The following RYR2 variants were observed in gnomAD, a reference collection of about 807,000 sequenced individuals.
The protein encoded by RYR2 is cardiac muscle ryanodine receptor-calcium release channel.
Under a neutral mutation model 601.1 loss-of-function variants are expected in RYR2, and 227 were observed. The observed-to-expected ratio is 0.38, with a 90% confidence interval of 0.34 to 0.42. The LOEUF (loss-of-function observed/expected upper bound fraction) is 0.42, where lower values mean the gene tolerates loss of function less well. Ranked by LOEUF, RYR2 falls within the 10% of genes least tolerant of loss-of-function variation. RYR2 has a pLI of 1.00. For synonymous variants in RYR2, 2,223 were observed against 2,175.1 expected (o/e 1.02, Z -0.61); for missense variants, 4,646 against 6,156.5 (o/e 0.75, Z 8.21).
intron 1 of RYR2, among the ~76,000 whole-genome samples, chr1:237,269,788 C>T (rs146315290): frequency 1.3e-4 from 20 of 152,248 alleles, no homozygotes; most frequent in South Asian, 6.2e-4. Flanking sequence ...TCCTAAAGTC[C>T]GTGATTCCTG....
intron 94 of RYR2, among the ~76,000 whole-genome samples, chr1:237,792,649 A>T (rs533061581): frequency 1.4e-3 from 206 of 152,132 alleles, no homozygotes; most frequent in African/African-American, 4.7e-3. Context: ...TGGCCTTTTT[A>T]TGTCTACATT....
At chr1:237,096,669 C>T (rs900395671) in intron 1 of RYR2, among the ~76,000 whole-genome samples, 3 of 152,080 alleles carry the variant, frequency 2.0e-5, no homozygotes, top group Non-Finnish European at 4.4e-5. Flanking sequence ...TATTTTTAAC[C>T]TTCAGAAAAA....
At chr1:237,594,890 T>TTTTGTTTTTG in intron 33 of RYR2, among the ~76,000 whole-genome samples, 1 of 13,532 alleles carries the variant, frequency 7.4e-5, no homozygotes, top group African/African-American at 1.3e-4. Flanking sequence ...CACTGGGTTT[T>TTTTGTTTTTG]TTTTTTTTTT....
chr1:237,682,534 C>T (rs1391579979), intron 62 of RYR2, among the ~76,000 whole-genome samples: 1 of 152,142 alleles, frequency 6.6e-6, no homozygotes, highest in Non-Finnish European at 1.5e-5. Flanking sequence ...CAGTTGCCTA[C>T]AGTATTCGGT....
At chr1:237,780,005 CCT>C (rs1333405173) in intron 88 of RYR2, among the ~76,000 whole-genome samples, 28 of 152,306 alleles carry the variant, frequency 1.8e-4, no homozygotes, top group African/African-American at 6.7e-4. Flanking sequence ...CCTCCAGAGT[CCT>C]TATCCTTAGA....
In RYR2 at chr1:237,830,759, G is replaced by A. The variant is rs750259820; in HGVS notation, c.14756+129G>A. The A allele has an allele frequency of 7.2e-6, 4 of 555,258 alleles. No individual in the cohort carries two copies. The South Asian group carries it at 1.1e-4, about 15-fold the overall frequency. 34.4% of individuals were successfully genotyped at this position (555,258 alleles called of 1,614,324 possible). ...ATTGCTGCAGATACTTTAAAAGAAA[G>A]TCCAACAGCTAATGGCTCTCTTTTC... On this transcript the variant is annotated intron_variant, in intron 103 of 104. Coordinates refer to ENST00000366574, the MANE Select transcript of RYR2 (RefSeq NM_001035.3).
In RYR2 at chr1:237,756,438, G is replaced by A. The variant is rs757128579; in HGVS notation, c.11245+51G>A. ...GAGTGTCTGTTCTTCAGATTTCCTC[G>A]TTGCTCTCAAGGTCCTCCCTCATTT... On this transcript the variant is annotated intron_variant, in intron 81 of 104. Coordinates refer to ENST00000366574, the MANE Select transcript of RYR2 (RefSeq NM_001035.3). 60 of 1,250,552 alleles carry A rather than the reference G, an allele frequency of 4.8e-5. 1 individual carries two copies. The South Asian group carries it at 6.7e-4, about 14-fold the overall frequency. The allele number at this position is 1,250,552 out of a possible 1,614,324, so 77.5% of individuals were successfully genotyped here. A position where few individuals can be genotyped will look rare whatever the true frequency, so the allele number is the denominator to read the frequency against.
intron 2 of RYR2, among the ~76,000 whole-genome samples, chr1:237,282,032 A>G (rs990318666): frequency 6.6e-6 from 1 of 152,178 alleles, no homozygotes; most frequent in African/African-American, 2.4e-5. Flanking sequence ...CTGGTTATAG[A>G]GTATATACTG....
Position 237,830,513 on chromosome 1 carries a change from T to C in RYR2, c.14656-17T>C. On this transcript the variant is annotated splice_polypyrimidine_tract_variant and intron_variant, in intron 102 of 104. Transcript: ENST00000366574. ...GCTTTCTGAACTCTGACGTTAATAT[T>C]TCCCTTTGTTTTCTAGACCAAATGC... is the stretch of plus-strand genomic sequence containing the variant. The C allele has an allele frequency of 3.4e-6, 5 of 1,475,392 alleles. No individual in the cohort carries two copies. The highest frequency in any genetic ancestry group is 4.7e-6 in the Non-Finnish European group (5 of 1,053,320). 91.4% of individuals were successfully genotyped at this position (1,475,392 alleles called of 1,614,324 possible).
At chr1:237,785,917 T>C in intron 90 of RYR2, 52 bp from the exon 91 acceptor site, 1 of 1,292,730 alleles carries the variant, frequency 7.7e-7, no homozygotes, top group South Asian at 1.3e-5. Context: ...CCTCAATTCA[T>C]TCAAAGGTGA....
chr1:237,066,320 A>G (rs527257326), intron 1 of RYR2, among the ~76,000 whole-genome samples: 3 of 152,312 alleles, frequency 2.0e-5, no homozygotes, highest in African/African-American at 7.2e-5. Context: ...TTATGCAGAA[A>G]TCAGTTTTGT....
At chr1:237,484,648 C>T (rs967459211) in intron 17 of RYR2, among the ~76,000 whole-genome samples, 1 of 152,214 alleles carries the variant, frequency 6.6e-6, no homozygotes, top group Non-Finnish European at 1.5e-5. Context: ...AGATTCTCAA[C>T]AAATTTTGTT....
At chr1:237,473,423 C>CCCTTTCTTTCTT in intron 17 of RYR2, among the ~76,000 whole-genome samples, 1 of 115,108 alleles carries the variant, frequency 8.7e-6, no homozygotes, top group Non-Finnish European at 1.8e-5. Context: ...GACTCCATCT[C>CCCTTTCTTTCTT]TCTCTCTCTC....
chr1:237,579,073 C>A (rs1477302194), intron 29 of RYR2, among the ~76,000 whole-genome samples: 1 of 152,222 alleles, frequency 6.6e-6, no homozygotes, highest in Non-Finnish European at 1.5e-5. Flanking sequence ...GCCTTTCATT[C>A]TAAGTCTCTG....
intron 79 of RYR2, among the ~76,000 whole-genome samples, chr1:237,734,911 G>A (rs769079898): frequency 7.9e-5 from 12 of 152,144 alleles, no homozygotes; most frequent in South Asian, 2.1e-4. Flanking sequence ...ATTAGAAGCC[G>A]TAGGAGTAGA....
At chr1:237,758,790 G>A (rs1693169236) in intron 82 of RYR2, among the ~76,000 whole-genome samples, 1 of 152,140 alleles carries the variant, frequency 6.6e-6, no homozygotes, top group Admixed American at 6.6e-5. Flanking sequence ...TCTTGTATGT[G>A]CTTTTACATT....
intron 1 of RYR2, among the ~76,000 whole-genome samples, chr1:237,268,334 T>C (rs1689270536): frequency 6.6e-6 from 1 of 152,150 alleles, no homozygotes; most frequent in Admixed American, 6.5e-5. Flanking sequence ...ACCAGCACAA[T>C]TTTTGGTTCT....
chr1:237,515,457 C>G (rs976684215), intron 24 of RYR2, among the ~76,000 whole-genome samples: 1 of 151,948 alleles, frequency 6.6e-6, no homozygotes, highest in Non-Finnish European at 1.5e-5. Flanking sequence ...TGCTTGTGCA[C>G]GTATGTGGTG....
intron 1 of RYR2, among the ~76,000 whole-genome samples, chr1:237,212,058 G>C (rs12146082): frequency 6.8e-6 from 1 of 146,048 alleles, no homozygotes; most frequent in Admixed American, 7.1e-5. Context: ...TTAAATTGCA[G>C]ACATCTCTCT....
Sources: allele counts gnomAD v4.1 joint callset (sites outside exome capture counted in the v4.1 genomes callset), GRCh38; gene constraint gnomAD v4.1.1; transcripts MANE v1.5; gene names NCBI Gene and HGNC (gene_info 2026-07-23, HGNC 2026-07-21).